The following DAB1 variants were observed in gnomAD, a reference collection of about 807,000 sequenced individuals.
DAB1 encodes DAB adaptor protein 1, also known as disabled homolog 1.
A neutral mutation model predicts 64.6 loss-of-function variants in DAB1; 15 were observed. The observed-to-expected ratio is 0.23, with a 90% CI of 0.16 to 0.36. The LOEUF (loss-of-function observed/expected upper bound fraction) is 0.36, where lower values mean the gene tolerates loss of function less well. Ranked by LOEUF, DAB1 falls within the 10% of genes least tolerant of loss-of-function variation. The pLI is 1.00. For synonymous variants in DAB1, 235 were observed against 251.9 expected, an observed-to-expected ratio of 0.93 and a Z score of 0.64; for missense variants, 596 against 706.7, an observed-to-expected ratio of 0.84 and a Z score of 1.78.
At chr1:57,475,780 T>C (rs555661705) in intron 7 of DAB1, among the ~76,000 whole-genome samples, 1 of 152,340 alleles carries the variant, frequency 6.6e-6, no homozygotes, top group South Asian at 2.1e-4. Context: ...CTGGCCTCCA[T>C]TATAGACTGT....
intron 5 of DAB1, among the ~76,000 whole-genome samples, chr1:57,961,985 A>C (rs1365609871): frequency 8.6e-5 from 13 of 151,764 alleles, no homozygotes; most frequent in Non-Finnish European, 1.9e-4. Flanking sequence ...AAAAAAAAAA[A>C]GCTGAGTTCA....
chr1:58,232,435 T>C (rs908986552), intron 4 of DAB1, among the ~76,000 whole-genome samples: 2 of 151,488 alleles, frequency 1.3e-5, no homozygotes, highest in Non-Finnish European at 2.9e-5. Context: ...ACCTGCCCAC[T>C]ATCCCCAAAT....
chr1:57,817,555 G>T (rs887197794), intron 6 of DAB1, among the ~76,000 whole-genome samples: 1 of 152,152 alleles, frequency 6.6e-6, no homozygotes, highest in Non-Finnish European at 1.5e-5. Flanking sequence ...GAACGAGCAG[G>T]TCACACTTCT....
At chr1:58,185,732 G>C (rs1218145673) in intron 4 of DAB1, among the ~76,000 whole-genome samples, 2 of 152,120 alleles carry the variant, frequency 1.3e-5, no homozygotes. Flanking sequence ...TGCCTAGATA[G>C]GCCACCCTCA....
intron 2 of DAB1, among the ~76,000 whole-genome samples, chr1:58,525,087 G>A (rs906709675): frequency 6.6e-6 from 1 of 152,068 alleles, no homozygotes; most frequent in African/African-American, 2.4e-5. Flanking sequence ...ACTGCAAATG[G>A]CACCATGTAT....
At chr1:57,218,879 C>T (rs899138942) in intron 2 of DAB1, among the ~76,000 whole-genome samples, 6 of 152,044 alleles carry the variant, frequency 3.9e-5, no homozygotes, top group Non-Finnish European at 7.4e-5. Flanking sequence ...AAGATGAGGA[C>T]GGCCAGCAGC....
chr1:58,539,366 G>T, intron 1 of DAB1: 1 of 715,438 alleles, frequency 1.4e-6, no homozygotes. Context: ...TACCAAACTG[G>T]GACTATAACA....
At chr1:58,243,478 ACT>A (rs1660392305) in intron 4 of DAB1, among the ~76,000 whole-genome samples, 1 of 152,132 alleles carries the variant, frequency 6.6e-6, no homozygotes, top group African/African-American at 2.4e-5. Flanking sequence ...GTCTGATGTC[ACT>A]GTTTCTCTTG....
At chr1:57,675,501 A>T (rs3131751) in intron 6 of DAB1, among the ~76,000 whole-genome samples, 112,014 of 152,066 alleles carry the variant, frequency 0.74, 42,163 homozygotes, top group East Asian at 0.93. Flanking sequence ...GAGGACAAGG[A>T]TGATATCACA....
intron 4 of DAB1, among the ~76,000 whole-genome samples, chr1:58,267,918 T>C (rs113031042): frequency 1.6e-4 from 25 of 152,316 alleles, no homozygotes; most frequent in Non-Finnish European, 3.1e-4. Flanking sequence ...GCAGTCCTTG[T>C]CATTCCTGGC....
chr1:57,567,824 C>G (rs978477877), intron 7 of DAB1, among the ~76,000 whole-genome samples: 11 of 152,150 alleles, frequency 7.2e-5, no homozygotes, highest in African/African-American at 2.4e-4. Context: ...TAGGAAGAAT[C>G]AATATGGTGA....
chr1:57,152,304 T>A (rs1464556845), intron 2 of DAB1, among the ~76,000 whole-genome samples: 1 of 152,194 alleles, frequency 6.6e-6, no homozygotes, highest in Non-Finnish European at 1.5e-5. Flanking sequence ...GTTTGAAGAT[T>A]TCTGCTCTGA....
At chr1:57,192,118 A>G (rs1664182494) in intron 2 of DAB1, among the ~76,000 whole-genome samples, 1 of 152,112 alleles carries the variant, frequency 6.6e-6, no homozygotes. Context: ...GGAGTTTGAG[A>G]CTAGCCTTGC....
At chr1:57,985,501 CT>C (rs1279592925) in intron 5 of DAB1, among the ~76,000 whole-genome samples, 3 of 152,030 alleles carry the variant, frequency 2.0e-5, no homozygotes, top group South Asian at 4.1e-4. Context: ...ACTTCTGTGC[CT>C]AGAACATAAT....
chr1:57,226,672 A>AAAAAATATATATATATATATATATATAT (rs747021990), intron 2 of DAB1, among the ~76,000 whole-genome samples: 2 of 136,016 alleles, frequency 1.5e-5, no homozygotes, highest in African/African-American at 6.2e-5. Context: ...TTAAAAAAAA[A>AAAAAATATATATATATATATATATATAT]ATATATATAT....
chr1:57,396,049 A>T (rs1015166941), intron 1 of DAB1, among the ~76,000 whole-genome samples: 2 of 152,230 alleles, frequency 1.3e-5, no homozygotes, highest in African/African-American at 4.8e-5. Flanking sequence ...TAGACCACCC[A>T]AAGTATTTTA....
At position 57,709,913 on chromosome 1, in the gene DAB1, G is replaced by A. The variant is rs369287715; in HGVS notation, n.552-60248C>T. 4.6e-5 allele frequency among the ~76,000 whole-genome samples: 7 copies of A among 152,150 alleles called. 1 individual carries two copies. Among genetic ancestry groups the A allele is most frequent in the East Asian group, 1.9e-4 (1 of 5,166 alleles). Reference sequence around the variant, plus strand: ...CCAGGTAGCCCCTTTTTATTGGCACGGCTGCTGGCATTCACCCATGCAAGT... The same window carrying A: ...CCAGGTAGCCCCTTTTTATTGGCACAGCTGCTGGCATTCACCCATGCAAGT... On this transcript the variant is annotated intron_variant and non_coding_transcript_variant, in intron 6 of 20. Transcript: ENST00000485760.
At chr1:57,171,788 T>C (rs1033045660) in intron 2 of DAB1, among the ~76,000 whole-genome samples, 1 of 152,232 alleles carries the variant, frequency 6.6e-6, no homozygotes, top group Admixed American at 6.5e-5. Context: ...CTGATTTGAA[T>C]ATATTTAAAG....
intron 5 of DAB1, among the ~76,000 whole-genome samples, chr1:58,016,688 G>A (rs1436782264): frequency 6.6e-6 from 1 of 151,980 alleles, no homozygotes; most frequent in Non-Finnish European, 1.5e-5. Context: ...TGCCTCTATT[G>A]TCATTAGTCA....
Sources: allele counts gnomAD v4.1 joint callset (sites outside exome capture counted in the v4.1 genomes callset), GRCh38; gene constraint gnomAD v4.1.1; transcripts MANE v1.5; gene names NCBI Gene and HGNC (gene_info 2026-07-23, HGNC 2026-07-21).